The following MGAT4C variants were observed in gnomAD, a reference collection of about 807,000 sequenced individuals.
MGAT4C encodes alpha-1,3-mannosyl-glycoprotein 4-beta-N-acetylglucosaminyltransferase C.
Under a neutral mutation model 40.1 loss-of-function variants are expected in MGAT4C, and 19 were observed. The observed-to-expected ratio is 0.47, with a 90% CI of 0.33 to 0.70. MGAT4C has a LOEUF of 0.70. Among genes scored for constraint, MGAT4C ranks in the 30% least tolerant of loss-of-function variants. MGAT4C has a pLI of 0.02. For synonymous variants in MGAT4C, 181 were observed against 187.1 expected (o/e 0.97, Z 0.27); for missense variants, 491 against 563.2 (o/e 0.87, Z 1.30).
intron 2 of MGAT4C, among the ~76,000 whole-genome samples, chr12:86,582,065 CAT>C (rs1593008833): frequency 6.6e-6 from 1 of 151,458 alleles, no homozygotes; most frequent in East Asian, 1.9e-4. Flanking sequence ...GCATAATGCA[CAT>C]GAGTTAAGGC....
At chr12:86,760,691 T>C (rs1951389797) in intron 1 of MGAT4C, among the ~76,000 whole-genome samples, 1 of 152,022 alleles carries the variant, frequency 6.6e-6, no homozygotes, top group African/African-American at 2.4e-5. Flanking sequence ...GTCCAGGGCA[T>C]AGAAAAGAAA....
intron 1 of MGAT4C, among the ~76,000 whole-genome samples, chr12:86,085,364 G>GT (rs1290610348): frequency 1.3e-5 from 2 of 151,784 alleles, no homozygotes; most frequent in Admixed American, 1.3e-4. Flanking sequence ...TTAATCCATC[G>GT]TAAGTTAATT....
At chr12:86,529,267 A>G (rs2136370711) in intron 2 of MGAT4C, among the ~76,000 whole-genome samples, 1 of 152,246 alleles carries the variant, frequency 6.6e-6, no homozygotes, top group East Asian at 1.9e-4. Flanking sequence ...AATAAAGTAT[A>G]CATTTTGATT....
At chr12:86,432,557 TA>T (rs1420358006) in intron 3 of MGAT4C, among the ~76,000 whole-genome samples, 1 of 151,936 alleles carries the variant, frequency 6.6e-6, no homozygotes, top group Non-Finnish European at 1.5e-5. Flanking sequence ...CTTCCCATTG[TA>T]AATAAAGGAA....
chr12:86,551,430 T>G (rs144064741), intron 2 of MGAT4C, among the ~76,000 whole-genome samples: 2 of 151,094 alleles, frequency 1.3e-5, no homozygotes, highest in Non-Finnish European at 3.0e-5. Flanking sequence ...TCATGGGACA[T>G]CTCTGGCAGA....
chr12:86,198,328 T>C (rs542616538), intron 1 of MGAT4C, among the ~76,000 whole-genome samples: 5 of 152,178 alleles, frequency 3.3e-5, no homozygotes, highest in African/African-American at 1.2e-4. Flanking sequence ...CCTGGGATAT[T>C]AGCACTATTG....
chr12:86,647,832 T>G (rs1963584769), intron 2 of MGAT4C, among the ~76,000 whole-genome samples: 1 of 151,892 alleles, frequency 6.6e-6, no homozygotes, highest in Non-Finnish European at 1.5e-5. Context: ...GTATCTGAAT[T>G]TTAGTGTCAT....
At chr12:86,404,042 T>G (rs1956418458) in intron 3 of MGAT4C, among the ~76,000 whole-genome samples, 1 of 152,074 alleles carries the variant, frequency 6.6e-6, no homozygotes. Flanking sequence ...CTTTCACTGG[T>G]CATGGTGGTG....
rs542333172 is a variant in MGAT4C, at chr12:86,795,771, T to A, written c.-262+42895A>T. On this transcript the variant is annotated intron_variant, in intron 1 of 7. Coordinates refer to the MGAT4C transcript ENST00000548651. ...AAACCTGTTCCAGGAATTATTTGTC[T>A]AGAAAAATTTGATGCCTACTTGCTC... Among the ~76,000 whole-genome samples the A allele has an allele frequency of 1.5e-3, 222 of 152,110 alleles. 1 individual carries two copies. The highest frequency in any genetic ancestry group is 6.8e-3 in the Middle Eastern group (2 of 294).
chr12:86,362,231 G>A (rs571948879), intron 3 of MGAT4C, among the ~76,000 whole-genome samples: 29 of 152,188 alleles, frequency 1.9e-4, no homozygotes, highest in South Asian at 4.1e-4. Flanking sequence ...GCAAACTATC[G>A]CAAGGACGGA....
At chr12:86,180,753 T>C (rs1230445521) in intron 1 of MGAT4C, among the ~76,000 whole-genome samples, 1 of 152,196 alleles carries the variant, frequency 6.6e-6, no homozygotes, top group Non-Finnish European at 1.5e-5. Flanking sequence ...CCCCATTGTA[T>C]CTAGGAAATA....
chr12:86,827,794 C>G (rs1043557041), intron 1 of MGAT4C, among the ~76,000 whole-genome samples: 5 of 151,110 alleles, frequency 3.3e-5, no homozygotes, highest in African/African-American at 1.2e-4. Flanking sequence ...ATTTCAAAGT[C>G]AAATATGTAT....
chr12:86,189,886 T>G (rs551288430), intron 1 of MGAT4C, among the ~76,000 whole-genome samples: 1 of 152,140 alleles, frequency 6.6e-6, no homozygotes, highest in African/African-American at 2.4e-5. Context: ...TCATGTTCCT[T>G]TTGATGGTAT....
chr12:85,989,475 A>G lies in MGAT4C; in HGVS notation c.72T>C (p.Ser24=). Residue 24 remains serine, a synonymous_variant, in exon 3 of 5, where the codon TCT becomes TCC. Coordinates refer to ENST00000611864, the MANE Select transcript of MGAT4C (RefSeq NM_001351288.2). ...CAAGAACTCCCAAGAATGACACTGTAGAACGTTTTCTCAGGCATCTCATTT... is the reference window on the plus strand; with the variant it reads ...CAAGAACTCCCAAGAATGACACTGTGGAACGTTTTCTCAGGCATCTCATTT... The part of the protein sequence containing the change: ...LDKMRCLRKR[S]TVSFLGVLVI... 6.2e-7 allele frequency: 1 copy of G among 1,607,892 alleles called. No individual in the cohort carries two copies. The highest frequency in any genetic ancestry group is 8.5e-7 in the Non-Finnish European group (1 of 1,175,930).
intron 1 of MGAT4C, among the ~76,000 whole-genome samples, chr12:86,073,714 C>G (rs1869066246): frequency 2.0e-5 from 3 of 152,206 alleles, no homozygotes; most frequent in Admixed American, 1.3e-4. Context: ...CCATTTGGAA[C>G]AGCTGCATTT....
intron 1 of MGAT4C, among the ~76,000 whole-genome samples, chr12:86,785,642 T>C (rs905460098): frequency 6.6e-6 from 1 of 151,864 alleles, no homozygotes; most frequent in African/African-American, 2.4e-5. Context: ...TTCACTATGA[T>C]AAAGTTAACT....
chr12:86,559,869 G>C (rs537330568), intron 2 of MGAT4C, among the ~76,000 whole-genome samples: 3 of 151,998 alleles, frequency 2.0e-5, no homozygotes, highest in African/African-American at 7.2e-5. Context: ...TGTTGTTGTT[G>C]TGTGTGTGTT....
chr12:86,262,046 G>A (rs1413738918), intron 4 of MGAT4C, among the ~76,000 whole-genome samples: 1 of 152,022 alleles, frequency 6.6e-6, no homozygotes, highest in African/African-American at 2.4e-5. Flanking sequence ...TAGAACACTA[G>A]GCATAAATTT....
chr12:86,652,908 C>G (rs1307589883), intron 2 of MGAT4C, among the ~76,000 whole-genome samples: 1 of 151,812 alleles, frequency 6.6e-6, no homozygotes, highest in Admixed American at 6.6e-5. Context: ...ATAAAAACAT[C>G]CTTGATTATG....
Sources: allele counts gnomAD v4.1 joint callset (sites outside exome capture counted in the v4.1 genomes callset), GRCh38; gene constraint gnomAD v4.1.1; transcripts MANE v1.5; gene names NCBI Gene and HGNC (gene_info 2026-07-23, HGNC 2026-07-21).